Variants in NBEAL1 observed in about 807,000 individuals in gnomAD.
NBEAL1 encodes neurobeachin like 1, also known as neurobeachin-like protein 1.
NBEAL1 carries 273 observed loss-of-function variants against 351.3 expected under a neutral mutation model. The ratio of observed to expected loss-of-function variants is 0.78; its 90% confidence interval spans 0.70 to 0.86. NBEAL1 has a LOEUF of 0.86. Among genes scored for constraint, NBEAL1 ranks in the 40% least tolerant of loss-of-function variants. The pLI, the probability that NBEAL1 is intolerant of heterozygous loss-of-function variation, is 0.00. For synonymous variants in NBEAL1, 1,050 were observed against 1,086.4 expected (o/e 0.97, Z 0.66); for missense variants, 2,961 against 3,201.3 (o/e 0.92, Z 1.81).
At chr2:203,081,839 C>T (rs931003471) in intron 8 of NBEAL1, among the ~76,000 whole-genome samples, 3 of 152,334 alleles carry the variant, frequency 2.0e-5, no homozygotes, top group South Asian at 2.1e-4. Context: ...TGGTGGCTTA[C>T]GCCTATAAGC....
chr2:203,067,826 T>C (rs1034998279), intron 6 of NBEAL1, among the ~76,000 whole-genome samples: 1 of 152,220 alleles, frequency 6.6e-6, no homozygotes, highest in Non-Finnish European at 1.5e-5. Flanking sequence ...TGAAATGTTC[T>C]TGTTAAAAGC....
chr2:203,073,012 A>G (rs1309202452), intron 7 of NBEAL1, among the ~76,000 whole-genome samples: 1 of 152,124 alleles, frequency 6.6e-6, no homozygotes, highest in East Asian at 1.9e-4. Context: ...GAATGCTATT[A>G]TGATTTTCTT....
Position 203,125,463 on chromosome 2 carries a change from G to A in NBEAL1, c.2794G>A (p.Glu932Lys), listed in dbSNP as rs985663261. 155 of 1,546,110 alleles carry A rather than the reference G, an allele frequency of 1.0e-4. No homozygotes were observed. Among genetic ancestry groups the A allele is most frequent in the Non-Finnish European group, 1.3e-4 (153 of 1,144,694 alleles). ...AGAAAAGAATGAAAGCACAGTTCCT[G>A]AATCAGTAACACCTGTTGAAGGAGA... ...PEEKNESTVP[E>K]SVTPVEGDWL... Residue 932 changes from glutamate (E) to lysine (K), a missense_variant, in exon 20 of 56, where the codon GAA becomes AAA. Physicochemically the swap from Glu to Lys is moderately conservative, Grantham distance 56 (BLOSUM62 1). Transcript: ENST00000683969.
At position 203,138,603 on chromosome 2, in the gene NBEAL1, T is replaced by A. The variant is rs778875849; in HGVS notation, c.4720-17T>A. The A allele has an allele frequency of 6.4e-7, 1 of 1,569,636 alleles. No individual in the cohort carries two copies. The highest frequency in any genetic ancestry group is 1.2e-5 in the South Asian group (1 of 83,080). ...AACTGAATGTTTTTATTTCTCAATT[T>A]TTTTCCTTTGTGATAGCTTTTAGAG... On this transcript the variant is annotated splice_polypyrimidine_tract_variant and intron_variant, in intron 30 of 55. Transcript: ENST00000683969.
At chr2:203,208,872 G>C (rs1314956335) in intron 52 of NBEAL1, 119 bp downstream of exon 52, 1 of 717,562 alleles carries the variant, frequency 1.4e-6, no homozygotes, top group Non-Finnish European at 2.2e-6. Context: ...TACCATACTT[G>C]TATAGGACTT....
chr2:203,168,750 T>G (rs573043983), intron 38 of NBEAL1, among the ~76,000 whole-genome samples: 1 of 151,636 alleles, frequency 6.6e-6, no homozygotes, highest in Non-Finnish European at 1.5e-5. Flanking sequence ...AGAAATTAGC[T>G]GGGCATGGTG....
At chr2:203,067,436 T>G (rs1293154624) in intron 6 of NBEAL1, among the ~76,000 whole-genome samples, 2 of 152,226 alleles carry the variant, frequency 1.3e-5, no homozygotes, top group South Asian at 4.1e-4. Context: ...TCTATTTTGC[T>G]GTCACTGAGT....
At chr2:203,076,759 T>C (rs940804036) in intron 7 of NBEAL1, among the ~76,000 whole-genome samples, 9 of 151,698 alleles carry the variant, frequency 5.9e-5, no homozygotes, top group African/African-American at 2.2e-4. Context: ...ACCTGGCTAA[T>C]TTTTGCATTT....
chr2:203,181,939 A>C (rs187302938), intron 43 of NBEAL1: 1 of 152,332 alleles, frequency 6.6e-6, no homozygotes, highest in East Asian at 1.9e-4. Context: ...GGTACTCTTT[A>C]ACAATTTATA....
At chr2:203,179,560 A>G (rs952424130) in intron 42 of NBEAL1, among the ~76,000 whole-genome samples, 1 of 152,140 alleles carries the variant, frequency 6.6e-6, no homozygotes, top group Admixed American at 6.5e-5. Context: ...TGCAAGTAAA[A>G]CATAAAAGCT....
intron 42 of NBEAL1, among the ~76,000 whole-genome samples, chr2:203,177,787 G>A (rs1386966665): frequency 6.6e-6 from 1 of 152,112 alleles, no homozygotes; most frequent in African/African-American, 2.4e-5. Context: ...GGGAGGCTGA[G>A]GTAGGCAAAT....
At position 203,132,118 on chromosome 2, in the gene NBEAL1, A is replaced by G. The variant is rs1222871947; in HGVS notation, c.3710A>G (p.Gln1237Arg). The G allele has an allele frequency of 1.3e-6, 2 of 1,525,046 alleles. No individual in the cohort carries two copies. The highest frequency in any genetic ancestry group is 4.9e-5 in the East Asian group (2 of 40,780). The allele number at this position is 1,525,046 out of a possible 1,614,324, so 94.5% of individuals were successfully genotyped here. A position where few individuals can be genotyped will look rare whatever the true frequency, so the allele number is the denominator to read the frequency against. Reference sequence around the variant, plus strand: ...TCTCTTATTAAAAACCTCACCCATCAAATCATAAATACAGGTATGAATAAG... The same window carrying G: ...TCTCTTATTAAAAACCTCACCCATCGAATCATAAATACAGGTATGAATAAG... ...NTSLIKNLTH[Q>R]IINTDPVINF... Residue 1237 changes from glutamine (Q) to arginine (R), a missense_variant, in exon 26 of 56, where the codon CAA becomes CGA. By Grantham distance (43) the Gln-to-Arg change is conservative. Coordinates refer to ENST00000683969, the MANE Select transcript of NBEAL1 (RefSeq NM_001378026.1).
At chr2:203,110,712 A>AATAT (rs1309021878) in intron 15 of NBEAL1, among the ~76,000 whole-genome samples, 6 of 147,276 alleles carry the variant, frequency 4.1e-5, no homozygotes, top group Admixed American at 6.8e-5. Flanking sequence ...TAAATAAATA[A>AATAT]ATATATAGAA....
In NBEAL1 at chr2:203,224,088, A is replaced by G. The variant is rs1485515999; in HGVS notation, c.*6734A>G. 6.6e-6 allele frequency among the ~76,000 whole-genome samples: 1 copy of G among 152,054 alleles called. No individual in the cohort carries two copies. The highest frequency in any genetic ancestry group is 1.5e-5 in the Non-Finnish European group (1 of 67,908). On this transcript the variant is annotated 3_prime_UTR_variant, in exon 56 of 56. Coordinates refer to ENST00000683969, the MANE Select transcript of NBEAL1 (RefSeq NM_001378026.1). ...TCTTAGATGACTTTTTAGCAATTTA[A>G]TGATAATAATTTCTATTTTTCTTCC...
rs2062928054 is a variant in NBEAL1, at chr2:203,125,963, C to A, written c.2855C>A (p.Ser952Ter). ...LVWTSTKASE[S>*]RLERNLVATF... ...TAATATGTTCCTGATTCTACAGAGT[C>A]AAGACTAGAGAGAAACCTAGTTGCA... Residue 952 changes from serine (S) to a stop codon, truncating the protein, a stop_gained, in exon 21 of 56, where the codon TCA becomes TAA. Transcript: ENST00000683969. LOFTEE classifies it high-confidence loss of function. 6.6e-7 allele frequency: 1 copy of A among 1,522,510 alleles called. No homozygotes were observed. The highest frequency in any genetic ancestry group is 1.3e-5 in the South Asian group (1 of 78,064). 94.3% of individuals were successfully genotyped at this position (1,522,510 alleles called of 1,614,324 possible).
At chr2:203,112,951 A>G (rs888663145) in intron 16 of NBEAL1, 64 bp from the exon 17 acceptor site, 2 of 1,325,008 alleles carry the variant, frequency 1.5e-6, no homozygotes, top group Non-Finnish European at 2.0e-6. Context: ...TTATTGTGTA[A>G]TTTTATGTTA....
At chr2:203,120,733 G>A (rs938415402) in intron 18 of NBEAL1, among the ~76,000 whole-genome samples, 1 of 152,190 alleles carries the variant, frequency 6.6e-6, no homozygotes, top group African/African-American at 2.4e-5. Flanking sequence ...GTCTTAAGCT[G>A]CAGTGTGAAA....
At chr2:203,102,674 A>G (rs1324834624) in intron 12 of NBEAL1, among the ~76,000 whole-genome samples, 1 of 152,188 alleles carries the variant, frequency 6.6e-6, no homozygotes, top group African/African-American at 2.4e-5. Flanking sequence ...ATCATAGTGG[A>G]TTAGCTCTTT....
At chr2:203,081,524 CAGTT>C (rs1334501136) in intron 8 of NBEAL1, among the ~76,000 whole-genome samples, 3 of 152,138 alleles carry the variant, frequency 2.0e-5, no homozygotes, top group African/African-American at 7.2e-5. Flanking sequence ...AAAGTTTTAT[CAGTT>C]AGATCTATGA....
Sources: gnomAD v4.1 joint callset for allele counts (sites outside exome capture counted in the v4.1 genomes callset) on GRCh38, gnomAD v4.1.1 for gene constraint, MANE v1.5 for transcripts, NCBI Gene and HGNC (gene_info 2026-07-23, HGNC 2026-07-21) for gene names.